The following ANKS1B variants were observed in gnomAD, a reference collection of about 807,000 sequenced individuals.
ANKS1B encodes the protein ankyrin repeat and sterile alpha motif domain-containing protein 1B.
In ANKS1B, 36 loss-of-function variants were observed where a neutral mutation model predicts 148.3. That is an observed-to-expected ratio of 0.24 (90% CI 0.19 to 0.32). The LOEUF (loss-of-function observed/expected upper bound fraction) is 0.32. Among genes scored for constraint, ANKS1B ranks in the 10% least tolerant of loss-of-function variants. The pLI, the probability that ANKS1B is intolerant of heterozygous loss-of-function variation, is 1.00. For missense variants in ANKS1B, 1,157 were observed against 1,542.6 expected (o/e 0.75, Z 4.19); for synonymous variants, 542 against 560.8 (o/e 0.97, Z 0.47).
At chr12:98,896,442 A>T (rs1038135119) in intron 17 of ANKS1B, among the ~76,000 whole-genome samples, 7 of 152,016 alleles carry the variant, frequency 4.6e-5, no homozygotes, top group African/African-American at 1.7e-4. Flanking sequence ...TTTACAGATT[A>T]AAAAAAAGGC....
chr12:99,712,345 A>G (rs1364668362), intron 8 of ANKS1B, among the ~76,000 whole-genome samples: 2 of 152,142 alleles, frequency 1.3e-5, no homozygotes, highest in African/African-American at 4.8e-5. Flanking sequence ...TGAATATTTT[A>G]CCATAAACAC....
intron 6 of ANKS1B, 40 bp from the exon 7 acceptor site, chr12:99,775,701 T>C: frequency 8.5e-7 from 1 of 1,178,484 alleles, no homozygotes; most frequent in Non-Finnish European, 1.2e-6. Context: ...CTTGAATTCA[T>C]TTATTTTAAA....
At chr12:99,608,979 A>G (rs970703596) in intron 9 of ANKS1B, among the ~76,000 whole-genome samples, 2 of 152,064 alleles carry the variant, frequency 1.3e-5, no homozygotes. Flanking sequence ...AGAGGAGTCA[A>G]TCTGGGGAGA....
At chr12:99,232,162 T>C (rs1477580471) in intron 14 of ANKS1B, among the ~76,000 whole-genome samples, 1 of 152,174 alleles carries the variant, frequency 6.6e-6, no homozygotes, top group African/African-American at 2.4e-5. Flanking sequence ...CTATGCTTTA[T>C]CTATCCAATA....
At chr12:99,213,924 T>G (rs2153923318) in intron 14 of ANKS1B, among the ~76,000 whole-genome samples, 1 of 152,276 alleles carries the variant, frequency 6.6e-6, no homozygotes, top group South Asian at 2.1e-4. Context: ...TTTCATAGGA[T>G]TTTAGGGAAT....
chr12:99,565,359 T>C (rs533241960), intron 9 of ANKS1B, among the ~76,000 whole-genome samples: 3 of 152,194 alleles, frequency 2.0e-5, no homozygotes, highest in Admixed American at 6.5e-5. Context: ...TATGGACCCA[T>C]GAAATGAAAG....
intron 9 of ANKS1B, among the ~76,000 whole-genome samples, chr12:99,634,408 G>A (rs896229714): frequency 9.9e-5 from 15 of 151,852 alleles, no homozygotes; most frequent in African/African-American, 3.4e-4. Context: ...CCTTGACCTT[G>A]GACTTCTCAA....
At chr12:99,911,972 C>T (rs927051582) in intron 1 of ANKS1B, among the ~76,000 whole-genome samples, 2 of 151,980 alleles carry the variant, frequency 1.3e-5, no homozygotes, top group African/African-American at 2.4e-5. Context: ...ATTTAAGTAC[C>T]ACTTTCACTG....
intron 14 of ANKS1B, among the ~76,000 whole-genome samples, chr12:99,201,522 T>A (rs1036155840): frequency 2.0e-5 from 3 of 152,244 alleles, no homozygotes; most frequent in Admixed American, 2.0e-4. Context: ...TGAATAAATT[T>A]ATTATAATTT....
intron 12 of ANKS1B, among the ~76,000 whole-genome samples, chr12:99,354,231 T>G (rs2091751312): frequency 6.6e-6 from 1 of 152,078 alleles, no homozygotes. Context: ...CTTTTTCTGT[T>G]CATTAGAGAC....
intron 9 of ANKS1B, among the ~76,000 whole-genome samples, chr12:99,507,397 A>G (rs2096722214): frequency 6.6e-6 from 1 of 151,912 alleles, no homozygotes; most frequent in African/African-American, 2.4e-5. Context: ...TTCCTTAAAA[A>G]TGAAGTATAT....
At chr12:99,017,563 C>A (rs747826020) in intron 17 of ANKS1B, among the ~76,000 whole-genome samples, 15 of 152,234 alleles carry the variant, frequency 9.9e-5, no homozygotes, top group Admixed American at 3.3e-4. Context: ...TATGGCCTCA[C>A]CCAGAGGTAG....
chr12:99,226,694 T>C (rs1231491030), intron 14 of ANKS1B, among the ~76,000 whole-genome samples: 1 of 152,150 alleles, frequency 6.6e-6, no homozygotes, highest in African/African-American at 2.4e-5. Flanking sequence ...GTGGTATGAT[T>C]AATACTAAAA....
intron 9 of ANKS1B, among the ~76,000 whole-genome samples, chr12:99,545,392 A>G (rs1479209787): frequency 6.6e-6 from 1 of 152,150 alleles, no homozygotes; most frequent in Non-Finnish European, 1.5e-5. Context: ...AAGAATATAA[A>G]CAAACTAAAA....
chr12:99,127,370 C>T (rs2153742321), intron 15 of ANKS1B, among the ~76,000 whole-genome samples: 1 of 152,112 alleles, frequency 6.6e-6, no homozygotes, highest in African/African-American at 2.4e-5. Context: ...AGGAATGATG[C>T]TTCCAGATTC....
intron 19 of ANKS1B, among the ~76,000 whole-genome samples, chr12:98,824,922 T>C (rs535528709): frequency 3.3e-5 from 5 of 152,278 alleles, no homozygotes; most frequent in African/African-American, 1.2e-4. Flanking sequence ...TTTTCTCTTC[T>C]GCTTGCTGTG....
chr12:98,894,693 G>A, intron 17 of ANKS1B: 1 of 985,698 alleles, frequency 1.0e-6, no homozygotes, highest in Admixed American at 6.1e-5. Context: ...GGCCCCCGAG[G>A]ACGCAGACAT....
At chr12:98,796,005 G>C (rs2098945343) in intron 22 of ANKS1B, among the ~76,000 whole-genome samples, 1 of 152,154 alleles carries the variant, frequency 6.6e-6, no homozygotes, top group Admixed American at 6.5e-5. Context: ...GATTTTAGGA[G>C]GGCATGAGTA....
intron 14 of ANKS1B, among the ~76,000 whole-genome samples, chr12:99,161,692 G>A (rs1224699516): frequency 1.3e-5 from 2 of 152,178 alleles, no homozygotes; most frequent in Non-Finnish European, 2.9e-5. Context: ...GAGGTCAAAA[G>A]AAACTTCAAA....
Sources: gnomAD v4.1 joint callset for allele counts (sites outside exome capture counted in the v4.1 genomes callset) on GRCh38, gnomAD v4.1.1 for gene constraint, MANE v1.5 for transcripts, NCBI Gene and HGNC (gene_info 2026-07-23, HGNC 2026-07-21) for gene names.